Variants in CCDC102B observed in about 807,000 individuals in gnomAD.
CCDC102B encodes the protein coiled-coil domain-containing protein 102B.
A neutral mutation model predicts 57.4 loss-of-function variants in CCDC102B; 75 were observed. The ratio of observed to expected loss-of-function variants is 1.31; its 90% confidence interval spans 1.08 to 1.58. The LOEUF (loss-of-function observed/expected upper bound fraction) is 1.58. CCDC102B is among the 40% of genes most tolerant of loss of function. The probability of loss-of-function intolerance (pLI) is 0.00; values close to 1 mark genes in which losing one functional copy is unlikely to be tolerated. For synonymous variants in CCDC102B, 206 were observed against 201.9 expected, an observed-to-expected ratio of 1.02 and a Z score of -0.17; for missense variants, 636 against 582.6, an observed-to-expected ratio of 1.09 and a Z score of -0.94.
chr18:68,864,060 C>T (rs2038871343), intron 4 of CCDC102B, among the ~76,000 whole-genome samples: 1 of 151,894 alleles, frequency 6.6e-6, no homozygotes, highest in Non-Finnish European at 1.5e-5. Context: ...GTCATTATTT[C>T]TAGGCCATTT....
At chr18:68,920,827 T>C (rs2041252398) in intron 6 of CCDC102B, among the ~76,000 whole-genome samples, 1 of 152,136 alleles carries the variant, frequency 6.6e-6, no homozygotes, top group Non-Finnish European at 1.5e-5. Flanking sequence ...ACCTCATGAT[T>C]CAACCTGTTC....
chr18:68,992,147 C>T (rs1049090220), intron 6 of CCDC102B, among the ~76,000 whole-genome samples: 4 of 151,948 alleles, frequency 2.6e-5, no homozygotes, highest in African/African-American at 4.8e-5. Context: ...ACAATCACTA[C>T]GTAGGGACAT....
chr18:69,015,029 G>A (rs935286734), intron 7 of CCDC102B, among the ~76,000 whole-genome samples: 16 of 151,144 alleles, frequency 1.1e-4, no homozygotes, highest in Non-Finnish European at 1.3e-4. Flanking sequence ...AAGAGAGAGA[G>A]AAAAAAAATT....
intron 4 of CCDC102B, among the ~76,000 whole-genome samples, chr18:68,873,060 A>G (rs2039298927): frequency 6.6e-6 from 1 of 152,156 alleles, no homozygotes; most frequent in African/African-American, 2.4e-5. Flanking sequence ...TGAATTCGAT[A>G]TTCTTTTGGT....
intron 4 of CCDC102B, among the ~76,000 whole-genome samples, chr18:68,871,611 A>ATTT: frequency 6.6e-6 from 1 of 152,154 alleles, no homozygotes; most frequent in African/African-American, 2.4e-5. Context: ...TTAGTTGTAT[A>ATTT]ATATTTTATT....
intron 6 of CCDC102B, among the ~76,000 whole-genome samples, chr18:68,983,584 TC>T (rs2050649701): frequency 6.6e-6 from 1 of 151,918 alleles, no homozygotes; most frequent in African/African-American, 2.4e-5. Context: ...GCAGTAACAA[TC>T]CCCTATGTTC....
chr18:68,947,062 C>A (rs2049560913), intron 6 of CCDC102B, among the ~76,000 whole-genome samples: 1 of 151,850 alleles, frequency 6.6e-6, no homozygotes, highest in Non-Finnish European at 1.5e-5. Flanking sequence ...ACAACATGAA[C>A]AATGCCCTTT....
chr18:68,758,144 G>C (rs987322411), intron 2 of CCDC102B, among the ~76,000 whole-genome samples: 3 of 151,746 alleles, frequency 2.0e-5, no homozygotes, highest in Non-Finnish European at 2.9e-5. Flanking sequence ...AATTGATTTT[G>C]ATACTTGAAG....
chr18:68,775,999 T>C (rs757110058), intron 2 of CCDC102B, among the ~76,000 whole-genome samples: 2 of 152,196 alleles, frequency 1.3e-5, no homozygotes, highest in Non-Finnish European at 2.9e-5. Flanking sequence ...GATACTCTAA[T>C]TCTACTGTAA....
At chr18:68,868,423 G>A (rs1226508103) in intron 4 of CCDC102B, among the ~76,000 whole-genome samples, 2 of 152,064 alleles carry the variant, frequency 1.3e-5, no homozygotes, top group Non-Finnish European at 2.9e-5. Flanking sequence ...AGGGATTTTG[G>A]CTAAATTTTT....
chr18:68,866,759 G>C (rs550230162), intron 4 of CCDC102B: 1 of 641,284 alleles, frequency 1.6e-6, no homozygotes, highest in Admixed American at 1.9e-5. Context: ...TTGAGTGCAC[G>C]GGTCTGTCTT....
chr18:68,905,423 G>A (rs1224687703), intron 6 of CCDC102B, among the ~76,000 whole-genome samples: 1 of 150,802 alleles, frequency 6.6e-6, no homozygotes, highest in African/African-American at 2.4e-5. Flanking sequence ...GCAAGTTTGA[G>A]TTAAAATCAT....
At chr18:68,942,719 C>T (rs2145172411) in intron 6 of CCDC102B, among the ~76,000 whole-genome samples, 1 of 152,128 alleles carries the variant, frequency 6.6e-6, no homozygotes, top group East Asian at 2.0e-4. Context: ...TGGAGACATT[C>T]CATTGCCCAG....
intron 2 of CCDC102B, among the ~76,000 whole-genome samples, chr18:68,764,565 G>A (rs530292911): frequency 1.3e-5 from 2 of 152,196 alleles, no homozygotes; most frequent in South Asian, 4.1e-4. Flanking sequence ...AAACTACTTA[G>A]GGATGTGAGG....
chr18:69,056,765 C>T (rs1335911141), downstream of CCDC102B, among the ~76,000 whole-genome samples: 1 of 151,810 alleles, frequency 6.6e-6, no homozygotes, highest in African/African-American at 2.4e-5. Context: ...TGTAATTGTG[C>T]TGAAAAACAC....
chr18:68,944,364 A>C (rs888657877), intron 6 of CCDC102B, among the ~76,000 whole-genome samples: 1 of 152,202 alleles, frequency 6.6e-6, no homozygotes, highest in Non-Finnish European at 1.5e-5. Flanking sequence ...AAAGTACCAT[A>C]GTCTGGATGG....
chr18:68,827,239 A>G (rs1006034837), intron 1 of CCDC102B, among the ~76,000 whole-genome samples: 1 of 152,146 alleles, frequency 6.6e-6, no homozygotes, highest in Admixed American at 6.5e-5. Flanking sequence ...ACAAGAAAGA[A>G]CAATCAAATA....
upstream of CCDC102B, among the ~76,000 whole-genome samples, chr18:68,794,653 C>T (rs8092610): frequency 0.07 from 10,677 of 152,048 alleles, 723 homozygotes; most frequent in African/African-American, 0.18. Flanking sequence ...GGAAACCTCA[C>T]GGCTGAATTT....
Position 68,922,707 on chromosome 18 carries a change from T to G in CCDC102B, c.1263+25279T>G, listed in dbSNP as rs531587763. 6.8e-4 allele frequency among the ~76,000 whole-genome samples: 104 copies of G among 152,160 alleles called. 1 individual carries two copies. Among genetic ancestry groups the G allele is most frequent in the African/African-American group, 2.3e-3 (95 of 41,538 alleles). Reference sequence around the variant, plus strand: ...TGTTGCGGTTTCTTCTCTCCCAGGTTGCTACTCTGTTTTTATAAACCCATT... The same window carrying G: ...TGTTGCGGTTTCTTCTCTCCCAGGTGGCTACTCTGTTTTTATAAACCCATT... On this transcript the variant is annotated intron_variant, in intron 6 of 7. Transcript: ENST00000360242.
Sources: allele counts gnomAD v4.1 joint callset (sites outside exome capture counted in the v4.1 genomes callset), GRCh38; gene constraint gnomAD v4.1.1; transcripts MANE v1.5; gene names NCBI Gene and HGNC (gene_info 2026-07-23, HGNC 2026-07-21).